RCBTB1: variants seen among roughly 807,000 people sequenced by gnomAD.
The protein encoded by RCBTB1 is RCC1 and BTB domain containing protein 1.
In RCBTB1, 46 loss-of-function variants were observed where a neutral mutation model predicts 62.4. The observed-to-expected ratio is 0.74, with a 90% CI of 0.58 to 0.94. The LOEUF (loss-of-function observed/expected upper bound fraction) is 0.94, where lower values mean the gene tolerates loss of function less well. RCBTB1 is among the 40% of genes least tolerant of loss of function. The probability of loss-of-function intolerance (pLI) is 0.00; values close to 1 mark genes in which losing one functional copy is unlikely to be tolerated. For missense variants in RCBTB1, 565 were observed against 654.9 expected, an observed-to-expected ratio of 0.86 and a Z score of 1.50; for synonymous variants, 222 against 245.8, an observed-to-expected ratio of 0.90 and a Z score of 0.91.
intron 1 of RCBTB1, among the ~76,000 whole-genome samples, chr13:49,581,834 AT>A: frequency 6.6e-6 from 1 of 152,346 alleles, no homozygotes; most frequent in East Asian, 1.9e-4. Flanking sequence ...CTTCCATTGG[AT>A]TTAACAAGGA....
At position 49,552,244 on chromosome 13, in the gene RCBTB1, C is replaced by A; in HGVS notation, c.645G>T (p.Leu215=). 6.2e-7 allele frequency: 1 copy of A among 1,603,752 alleles called. No homozygotes were observed. The highest frequency in any genetic ancestry group is 8.5e-7 in the Non-Finnish European group (1 of 1,174,932). ...WGYNGNGQLG[L]GNNGNQLTPV... is the part of the protein sequence containing the mutation. ...GGGTCAGCTGGTTGCCATTGTTTCC[C>A]AGGCCCAGCTGACCGTTGCCATTGT... Residue 215 remains leucine (L), a synonymous_variant, in exon 7 of 13, where the codon CTG becomes CTT. Transcript: ENST00000378302.
At chr13:49,555,724 T>C (rs1961804610) in intron 5 of RCBTB1, 51 bp from the exon 6 acceptor site, 1 of 1,314,474 alleles carries the variant, frequency 7.6e-7, no homozygotes, top group South Asian at 1.4e-5. Context: ...GTGAAAATTC[T>C]ACCCCAACAC....
At chr13:49,572,830 G>A (rs1360047273) in intron 2 of RCBTB1, among the ~76,000 whole-genome samples, 1 of 152,122 alleles carries the variant, frequency 6.6e-6, no homozygotes, top group African/African-American at 2.4e-5. Context: ...TCACTCCAGA[G>A]GGTTGCACAA....
At position 49,566,664 on chromosome 13, in the gene RCBTB1, T is replaced by C; in HGVS notation, c.231A>G (p.Lys77=). ...KLEGLCGKKI[K]SLSYGSGPHV... ...GTGGTCCACTCCCGTAACTGAGGCT[T>C]TTAATCTTCTTTCCACATAAGCCTT... The change falls in exon 4 of 13, where the codon AAA becomes AAG. Residue 77 remains lysine, a synonymous_variant. Coordinates refer to ENST00000378302, the MANE Select transcript of RCBTB1 (RefSeq NM_018191.4). 1 of 1,614,196 alleles carries C rather than the reference T, an allele frequency of 6.2e-7. No individual in the cohort carries two copies. The highest frequency in any genetic ancestry group is 1.1e-5 in the South Asian group (1 of 91,080).
Position 49,552,029 on chromosome 13 carries a change from A to G in RCBTB1, c.711+149T>C, listed in dbSNP as rs1961404611. 7.9e-6 allele frequency: 5 copies of G among 635,260 alleles called. No homozygotes were observed. The East Asian group carries it at 1.4e-4, about 18-fold the overall frequency. The allele number at this position is 635,260 out of a possible 1,614,324, so 39.4% of individuals were successfully genotyped here. On this transcript the variant is annotated intron_variant, in intron 7 of 12. Coordinates refer to ENST00000378302, the MANE Select transcript of RCBTB1 (RefSeq NM_018191.4). The stretch of plus-strand genomic sequence containing the variant: ...ATAGTCTTGCTTCTCCTCGTGGGAA[A>G]TTAGGGAAGATATAATATTAAATAT...
intron 12 of RCBTB1, among the ~76,000 whole-genome samples, chr13:49,535,531 C>T (rs1393620067): frequency 6.6e-6 from 1 of 151,696 alleles, no homozygotes; most frequent in African/African-American, 2.4e-5. Flanking sequence ...CAGGTTTTGA[C>T]CGCACATTTC....
intron 4 of RCBTB1, among the ~76,000 whole-genome samples, chr13:49,565,510 T>C (rs1962878110): frequency 1.5e-5 from 2 of 132,356 alleles, no homozygotes; most frequent in African/African-American, 5.9e-5. Context: ...TCTGCCCGGC[T>C]GCCCAGTCTG....
intron 2 of RCBTB1, among the ~76,000 whole-genome samples, chr13:49,579,070 T>C (rs943602405): frequency 3.9e-5 from 6 of 152,244 alleles, no homozygotes; most frequent in Non-Finnish European, 8.8e-5. Flanking sequence ...ATAATTCTGA[T>C]GGGCTTTTTG....
At chr13:49,568,714 A>C (rs775168953) in intron 2 of RCBTB1, among the ~76,000 whole-genome samples, 26 of 152,024 alleles carry the variant, frequency 1.7e-4, no homozygotes, top group Non-Finnish European at 3.5e-4. Context: ...GCAGATCAGG[A>C]GGTCAAGAGA....
chr13:49,539,937 G>T (rs1429462817), intron 12 of RCBTB1, among the ~76,000 whole-genome samples: 1 of 152,180 alleles, frequency 6.6e-6, no homozygotes, highest in African/African-American at 2.4e-5. Context: ...CACAGCTGCA[G>T]ATCTTTGCAG....
chr13:49,565,777 A>T (rs1450058466), intron 4 of RCBTB1, among the ~76,000 whole-genome samples: 1 of 152,148 alleles, frequency 6.6e-6, no homozygotes, highest in Non-Finnish European at 1.5e-5. Context: ...CCAACAGCTC[A>T]TTGAGAACAG....
At chr13:49,557,155 T>A (rs1171270185) in intron 5 of RCBTB1, among the ~76,000 whole-genome samples, 1 of 152,204 alleles carries the variant, frequency 6.6e-6, no homozygotes, top group Admixed American at 6.5e-5. Context: ...GTAACATCAC[T>A]GAGGGACTTC....
intron 4 of RCBTB1, among the ~76,000 whole-genome samples, chr13:49,561,769 A>G (rs1962444529): frequency 6.6e-6 from 1 of 152,122 alleles, no homozygotes; most frequent in Admixed American, 6.5e-5. Flanking sequence ...AAAAAAAGCA[A>G]GAAGGTAGCT....
intron 5 of RCBTB1, among the ~76,000 whole-genome samples, chr13:49,559,427 C>A (rs956542376): frequency 2.6e-5 from 4 of 152,050 alleles, no homozygotes; most frequent in South Asian, 2.1e-4. Context: ...GAGGCCAAGG[C>A]GGGCAGATCA....
chr13:49,584,067 G>T (rs1964257654), intron 1 of RCBTB1, among the ~76,000 whole-genome samples: 1 of 152,116 alleles, frequency 6.6e-6, no homozygotes, highest in Non-Finnish European at 1.5e-5. Context: ...GGAAAAGGAG[G>T]GTACTGTTTC....
intron 9 of RCBTB1, 151 bp from the exon 10 acceptor site, chr13:49,545,014 G>A: frequency 3.7e-6 from 2 of 538,754 alleles, no homozygotes; most frequent in South Asian, 2.6e-5. Context: ...CAATTCTACG[G>A]TATTAAAGTA....
chr13:49,550,982 A>T (rs1051310628), intron 8 of RCBTB1, among the ~76,000 whole-genome samples: 21 of 152,156 alleles, frequency 1.4e-4, no homozygotes, highest in African/African-American at 5.1e-4. Flanking sequence ...ACACACCTGT[A>T]ATCCCAGCTA....
intron 4 of RCBTB1, among the ~76,000 whole-genome samples, chr13:49,562,780 T>A (rs1279451853): frequency 1.4e-3 from 3 of 2,086 alleles, no homozygotes; most frequent in Non-Finnish European, 9.4e-3. Flanking sequence ...CCCCGGCTTT[T>A]TTTTTTTTTT....
chr13:49,537,232 A>G (rs7999363), intron 12 of RCBTB1, among the ~76,000 whole-genome samples: 88,815 of 152,018 alleles, frequency 0.58, 27,192 homozygotes, highest in Non-Finnish European at 0.69. Context: ...TAACTGCAAG[A>G]CAAAACCCCA....
Sources: allele counts gnomAD v4.1 joint callset (sites outside exome capture counted in the v4.1 genomes callset), GRCh38; gene constraint gnomAD v4.1.1; transcripts MANE v1.5; gene names NCBI Gene and HGNC (gene_info 2026-07-23, HGNC 2026-07-21).